TOMM20: variants seen among roughly 807,000 people sequenced by gnomAD.
TOMM20 encodes the protein mitochondrial import receptor subunit TOM20 homolog.
Under a neutral mutation model 22.1 loss-of-function variants are expected in TOMM20, and 10 were observed. The observed-to-expected ratio is 0.45, with a 90% confidence interval of 0.28 to 0.77. The LOEUF (loss-of-function observed/expected upper bound fraction) is 0.77. Among genes scored for constraint, TOMM20 ranks in the 30% least tolerant of loss-of-function variants. The pLI, the probability that TOMM20 is intolerant of heterozygous loss-of-function variation, is 0.13. For synonymous variants in TOMM20, 55 were observed against 61.4 expected (o/e 0.90, Z 0.49); for missense variants, 121 against 172.2 (o/e 0.70, Z 1.66).
chr1:235,122,407 C>T, intron 1 of TOMM20, 35 bp from the exon 2 acceptor site: 1 of 1,561,092 alleles, frequency 6.4e-7, no homozygotes, highest in South Asian at 1.2e-5. Flanking sequence ...TACATTTTGT[C>T]ATTATAAAAA....
intron 4 of TOMM20, among the ~76,000 whole-genome samples, chr1:235,113,162 C>G (rs1306684181): frequency 6.6e-6 from 1 of 152,192 alleles, no homozygotes; most frequent in East Asian, 1.9e-4. Context: ...TTGAAAAGAA[C>G]TCAAAATGAA....
intron 3 of TOMM20, among the ~76,000 whole-genome samples, chr1:235,115,367 T>A (rs1660812156): frequency 6.6e-6 from 1 of 152,134 alleles, no homozygotes; most frequent in South Asian, 2.1e-4. Flanking sequence ...CAGTGGCTCA[T>A]GCCTGTAATC....
intron 3 of TOMM20, among the ~76,000 whole-genome samples, chr1:235,115,855 A>G (rs1308402948): frequency 1.3e-5 from 2 of 151,950 alleles, no homozygotes; most frequent in Non-Finnish European, 2.9e-5. Flanking sequence ...ACACATGTTT[A>G]CTGCCCATTA....
intron 1 of TOMM20, among the ~76,000 whole-genome samples, chr1:235,125,212 TTTTTTA>T: frequency 9.2e-6 from 1 of 109,018 alleles, no homozygotes; most frequent in African/African-American, 3.7e-5. Context: ...TCTTCTTTTA[TTTTTTA>T]TTTTTTTTCT....
At chr1:235,120,998 G>A (rs1464967191) in intron 2 of TOMM20, among the ~76,000 whole-genome samples, 3 of 151,994 alleles carry the variant, frequency 2.0e-5, no homozygotes, top group South Asian at 2.1e-4. Context: ...TCAAGAGATC[G>A]AGGCCATGCT....
At chr1:235,119,956 TAC>T in intron 2 of TOMM20, 57 bp from the exon 3 acceptor site, 1 of 1,075,594 alleles carries the variant, frequency 9.3e-7, no homozygotes, top group Non-Finnish European at 1.4e-6. Flanking sequence ...ATATAACCAA[TAC>T]ACAGATATCA....
rs186720855 is a variant in TOMM20, at chr1:235,120,502, T to A, written c.169-603A>T. Among the ~76,000 whole-genome samples, 102 of 152,112 alleles carry A rather than the reference T, an allele frequency of 6.7e-4. No individual in the cohort carries two copies. In the East Asian group the frequency reaches 0.016, roughly 24 times the overall value. ...CTGGTCTCAAACTCCTGACCTCAGATGATCCACCCGCCTCGGCCTCCCAAA... is the reference window on the plus strand; with the variant it reads ...CTGGTCTCAAACTCCTGACCTCAGAAGATCCACCCGCCTCGGCCTCCCAAA... On this transcript the variant is annotated intron_variant, in intron 2 of 4. Transcript: ENST00000366607.
chr1:235,117,401 T>A (rs1344820945), intron 3 of TOMM20, among the ~76,000 whole-genome samples: 1 of 146,572 alleles, frequency 6.8e-6, no homozygotes, highest in Non-Finnish European at 1.5e-5. Flanking sequence ...GAGGTTGCAG[T>A]GAGCCGAGAT....
chr1:235,118,224 C>T (rs1329442209), intron 3 of TOMM20, among the ~76,000 whole-genome samples: 1 of 152,222 alleles, frequency 6.6e-6, no homozygotes, highest in Non-Finnish European at 1.5e-5. Flanking sequence ...GTTGCTACAA[C>T]TTTTGCTGAC....
Position 235,117,205 on chromosome 1 carries a change from T to A in TOMM20, c.250+2613A>T, listed in dbSNP as rs374897229. Among the ~76,000 whole-genome samples the A allele has an allele frequency of 3.6e-4, 46 of 128,894 alleles. 1 individual carries two copies. The highest frequency in any genetic ancestry group is 1.3e-3 in the African/African-American group (44 of 34,626). The allele number at this position is 128,894 out of a possible 152,430, so 84.6% of individuals were successfully genotyped here. A position where few individuals can be genotyped will look rare whatever the true frequency, so the allele number is the denominator to read the frequency against. Reference sequence around the variant, plus strand: ...CAGGTGCAGTGGCTCACACCTGTAATCCCAGCACTTTGGGAAGCCAAGGCA... The same window carrying A: ...CAGGTGCAGTGGCTCACACCTGTAAACCCAGCACTTTGGGAAGCCAAGGCA... On this transcript the variant is annotated intron_variant, in intron 3 of 4. Coordinates refer to ENST00000366607, the MANE Select transcript of TOMM20 (RefSeq NM_014765.3).
chr1:235,113,640 C>T, intron 4 of TOMM20, 128 bp downstream of exon 4: 1 of 1,190,552 alleles, frequency 8.4e-7, no homozygotes, highest in Non-Finnish European at 1.2e-6. Flanking sequence ...GCGCTGATAT[C>T]TCCCATATTG....
chr1:235,111,806 A>G lies in TOMM20; in HGVS notation c.*258T>C, dbSNP rs972774841. 3 of 395,820 alleles carry G rather than the reference A, an allele frequency of 7.6e-6. No homozygotes were observed. The highest frequency in any genetic ancestry group is 6.4e-5 in the African/African-American group (3 of 47,046). The allele number at this position is 395,820 out of a possible 1,614,324, so 24.5% of individuals were successfully genotyped here. A position where few individuals can be genotyped will look rare whatever the true frequency, so the allele number is the denominator to read the frequency against. On this transcript the variant is annotated 3_prime_UTR_variant, in exon 5 of 5. Transcript: ENST00000366607. ...CAGTTTAACTATGTAACTATGTTTC[A>G]GGAATAAACAAAATCCATGATATTT... is the stretch of plus-strand genomic sequence containing the variant.
At chr1:235,120,118 G>A (rs540147518) in intron 2 of TOMM20, among the ~76,000 whole-genome samples, 11 of 152,284 alleles carry the variant, frequency 7.2e-5, no homozygotes, top group African/African-American at 2.4e-4. Context: ...ATAATTCTTA[G>A]AAAGCTCTAA....
intron 1 of TOMM20, among the ~76,000 whole-genome samples, chr1:235,127,186 G>A (rs540131552): frequency 3.9e-5 from 6 of 152,286 alleles, no homozygotes; most frequent in African/African-American, 9.6e-5. Flanking sequence ...TAACCCGAAG[G>A]CAGAATGACC....
Position 235,113,926 on chromosome 1 carries a change from A to G in TOMM20, c.251-16T>C. 1.2e-5 allele frequency: 19 copies of G among 1,555,296 alleles called. No homozygotes were observed. The highest frequency in any genetic ancestry group is 1.7e-5 in the Non-Finnish European group (19 of 1,148,138). ...TCATATTCACCTGTAAGATTTACAT[A>G]AAATTACATGTAACCTGAAAAGCCT... On this transcript the variant is annotated splice_polypyrimidine_tract_variant and intron_variant, in intron 3 of 4. Transcript: ENST00000366607.
chr1:235,121,014 A>T (rs188402161), intron 2 of TOMM20, among the ~76,000 whole-genome samples: 79 of 152,250 alleles, frequency 5.2e-4, no homozygotes, highest in Non-Finnish European at 1.0e-3. Flanking sequence ...ATGCTGGCCA[A>T]CACAGTGAAA....
chr1:235,116,189 C>T (rs951512669), intron 3 of TOMM20, among the ~76,000 whole-genome samples: 2 of 151,656 alleles, frequency 1.3e-5, no homozygotes, highest in African/African-American at 4.8e-5. Context: ...GGTGGATCAC[C>T]TAAGGTCAGT....
chr1:235,126,372 C>A (rs187234719), intron 1 of TOMM20, among the ~76,000 whole-genome samples: 1 of 151,746 alleles, frequency 6.6e-6, no homozygotes, highest in African/African-American at 2.4e-5. Context: ...ATGAGGTGAT[C>A]CGCCCACCTC....
At chr1:235,112,205 T>C (rs1660751039) in intron 4 of TOMM20, 97 bp from the exon 5 acceptor site, 1 of 1,007,044 alleles carries the variant, frequency 9.9e-7, no homozygotes, top group Admixed American at 2.7e-5. Context: ...AAGAATTGAA[T>C]CTTAGTAAAG....
Sources: gnomAD v4.1 joint callset for allele counts (sites outside exome capture counted in the v4.1 genomes callset) on GRCh38, gnomAD v4.1.1 for gene constraint, MANE v1.5 for transcripts, NCBI Gene and HGNC (gene_info 2026-07-23, HGNC 2026-07-21) for gene names.